Variants in STXBP5L observed in about 807,000 individuals in gnomAD.
STXBP5L encodes the protein syntaxin binding protein 5L.
STXBP5L carries 65 observed loss-of-function variants against 144.5 expected under a neutral mutation model. The observed-to-expected ratio is 0.45, with a 90% CI of 0.37 to 0.55. The LOEUF (loss-of-function observed/expected upper bound fraction) is 0.55, where lower values mean the gene tolerates loss of function less well. STXBP5L is among the 20% of genes least tolerant of loss of function. The pLI, the probability that STXBP5L is intolerant of heterozygous loss-of-function variation, is 0.00. For missense variants in STXBP5L, 1,298 were observed against 1,405.5 expected (o/e 0.92, Z 1.22); for synonymous variants, 505 against 469.6 (o/e 1.08, Z -0.97).
intron 20 of STXBP5L, among the ~76,000 whole-genome samples, chr3:121,326,802 G>A (rs1021948228): frequency 1.3e-5 from 2 of 152,008 alleles, no homozygotes; most frequent in Admixed American, 6.6e-5. Context: ...GAATATCCAT[G>A]GCCTGAAGAG....
At chr3:120,950,079 A>T (rs977280966) in intron 2 of STXBP5L, among the ~76,000 whole-genome samples, 2 of 152,050 alleles carry the variant, frequency 1.3e-5, no homozygotes, top group Admixed American at 6.6e-5. Context: ...AAAATAATTT[A>T]AAAAAACATT....
chr3:121,312,476 T>TTTTTTG (rs2043572797), intron 19 of STXBP5L, among the ~76,000 whole-genome samples: 1 of 78,814 alleles, frequency 1.3e-5, no homozygotes, highest in Admixed American at 1.3e-4. Context: ...TTTTTTTTTT[T>TTTTTTG]TTATTGATCA....
rs181218475 is a variant in STXBP5L, at chr3:121,268,729, T to G, written c.1958+9561T>G. Among the ~76,000 whole-genome samples, 906 of 152,162 alleles carry G rather than the reference T, an allele frequency of 6.0e-3. 8 individuals carry two copies. The highest frequency in any genetic ancestry group is 0.02 in the African/African-American group (835 of 41,484). ...CGGCCACTTTCTAAACAATGAATTT[T>G]CTATTTTTTTTTCATTGTGAGATGC... On this transcript the variant is annotated intron_variant, in intron 18 of 26. Coordinates refer to ENST00000471454, the MANE Select transcript of STXBP5L (RefSeq NM_001308330.2).
At chr3:121,382,640 T>A (rs2046346341) in intron 22 of STXBP5L, among the ~76,000 whole-genome samples, 1 of 152,132 alleles carries the variant, frequency 6.6e-6, no homozygotes, top group South Asian at 2.1e-4. Context: ...TACAGTCAGC[T>A]TCCACTGTCA....
intron 5 of STXBP5L, among the ~76,000 whole-genome samples, chr3:121,090,528 C>T (rs898678579): frequency 6.6e-6 from 1 of 152,124 alleles, no homozygotes; most frequent in South Asian, 2.1e-4. Context: ...ACTTCCATAC[C>T]TCTGCCAGAA....
intron 3 of STXBP5L, among the ~76,000 whole-genome samples, chr3:120,966,021 A>G (rs1281919458): frequency 6.6e-6 from 1 of 151,494 alleles, no homozygotes; most frequent in African/African-American, 2.4e-5. Context: ...ACTTTATTTC[A>G]TTATTTTGAT....
At chr3:121,272,552 T>G (rs2050762776) in intron 18 of STXBP5L, among the ~76,000 whole-genome samples, 1 of 152,210 alleles carries the variant, frequency 6.6e-6, no homozygotes, top group Non-Finnish European at 1.5e-5. Flanking sequence ...TAGTTGGATC[T>G]TAATTTTTGA....
At chr3:120,929,822 A>G (rs1394122271) in intron 2 of STXBP5L, among the ~76,000 whole-genome samples, 4 of 151,976 alleles carry the variant, frequency 2.6e-5, no homozygotes, top group African/African-American at 9.7e-5. Context: ...TAATTATTTA[A>G]TTTGTATTTT....
rs76574371 is a variant in STXBP5L at position 121,221,267 on chromosome 3, C to T, written c.957-1736C>T. Reference sequence around the variant, plus strand: ...GACCCAGAGTATTCTGATGCAGAGTCGTAATTAGAGCAGAAGAGGTTTTAC... The same window carrying T: ...GACCCAGAGTATTCTGATGCAGAGTTGTAATTAGAGCAGAAGAGGTTTTAC... On this transcript the variant is annotated intron_variant, in intron 10 of 26. Coordinates refer to ENST00000471454, the MANE Select transcript of STXBP5L (RefSeq NM_001308330.2). Among the ~76,000 whole-genome samples the T allele has an allele frequency of 8.8e-3, 1,341 of 151,716 alleles. 6 individuals carry two copies. The highest frequency in any genetic ancestry group is 0.014 in the Non-Finnish European group (923 of 67,812).
At chr3:121,112,633 T>C in intron 5 of STXBP5L, among the ~76,000 whole-genome samples, 1 of 151,978 alleles carries the variant, frequency 6.6e-6, no homozygotes, top group South Asian at 2.1e-4. Context: ...CAACAATACT[T>C]TTTTTATAAA....
chr3:121,334,532 C>A (rs967470401), intron 20 of STXBP5L, among the ~76,000 whole-genome samples: 1 of 141,428 alleles, frequency 7.1e-6, no homozygotes, highest in Non-Finnish European at 1.5e-5. Flanking sequence ...AGCAACACAA[C>A]AAAAAAAAAA....
intron 5 of STXBP5L, among the ~76,000 whole-genome samples, chr3:121,084,190 C>A (rs2107703828): frequency 6.6e-6 from 1 of 151,850 alleles, no homozygotes; most frequent in Admixed American, 6.6e-5. Flanking sequence ...TGAGACTTTT[C>A]TTATTATTAT....
chr3:121,150,942 G>A (rs1000892783), intron 7 of STXBP5L, among the ~76,000 whole-genome samples: 1 of 152,018 alleles, frequency 6.6e-6, no homozygotes. Flanking sequence ...ACAAAAATTA[G>A]CCAGGTGTGG....
At chr3:121,194,225 T>G (rs1017749837) in intron 9 of STXBP5L, among the ~76,000 whole-genome samples, 14 of 152,108 alleles carry the variant, frequency 9.2e-5, no homozygotes, top group South Asian at 2.1e-4. Context: ...AATAACTACT[T>G]TAGTCTCTGT....
chr3:121,023,265 C>T (rs1046529033), intron 3 of STXBP5L, among the ~76,000 whole-genome samples: 13 of 151,878 alleles, frequency 8.6e-5, no homozygotes, highest in African/African-American at 2.9e-4. Flanking sequence ...AAATGGACAC[C>T]CCTCCCATGC....
At chr3:120,985,169 C>T (rs1942177172) in intron 3 of STXBP5L, among the ~76,000 whole-genome samples, 1 of 151,422 alleles carries the variant, frequency 6.6e-6, no homozygotes, top group Non-Finnish European at 1.5e-5. Flanking sequence ...GTACTGTTGG[C>T]CTTACAGAAT....
At chr3:121,052,052 A>G (rs1311137838) in intron 5 of STXBP5L, among the ~76,000 whole-genome samples, 1 of 152,216 alleles carries the variant, frequency 6.6e-6, no homozygotes, top group Non-Finnish European at 1.5e-5. Context: ...ATATCTGAAT[A>G]GACCAATAAG....
At chr3:121,044,054 C>A (rs1474886177) in intron 4 of STXBP5L, among the ~76,000 whole-genome samples, 1 of 152,022 alleles carries the variant, frequency 6.6e-6, no homozygotes, top group African/African-American at 2.4e-5. Context: ...ATAAAACAGG[C>A]AAACAAACAC....
At chr3:120,964,384 C>A (rs1173225124) in intron 3 of STXBP5L, among the ~76,000 whole-genome samples, 1 of 152,110 alleles carries the variant, frequency 6.6e-6, no homozygotes, top group Non-Finnish European at 1.5e-5. Flanking sequence ...GATTTTAGAT[C>A]TTTCCTTCCT....
Sources: gnomAD v4.1 joint callset for allele counts (sites outside exome capture counted in the v4.1 genomes callset) on GRCh38, gnomAD v4.1.1 for gene constraint, MANE v1.5 for transcripts, NCBI Gene and HGNC (gene_info 2026-07-23, HGNC 2026-07-21) for gene names.